RNF212: variants seen among roughly 807,000 people sequenced by gnomAD.
RNF212 encodes the protein probable E3 SUMO-protein ligase RNF212.
A neutral mutation model predicts 34.7 loss-of-function variants in RNF212; 33 were observed. The observed-to-expected ratio is 0.95, with a 90% CI of 0.72 to 1.27. The LOEUF is 1.27. RNF212 is among the 50% of genes most tolerant of loss of function. The pLI is 0.00. For missense variants in RNF212, 377 were observed against 362.2 expected (o/e 1.04, Z -0.33); for synonymous variants, 140 against 136.1 (o/e 1.03, Z -0.20).
chr4:1,093,765 G>A, intron 3 of RNF212: 2 of 1,536,296 alleles, frequency 1.3e-6, no homozygotes, highest in Non-Finnish European at 1.7e-6. Context: ...GACTTGGTGT[G>A]AATGAGGGTC....
At chr4:1,078,240 G>A (rs917515237) in intron 8 of RNF212, among the ~76,000 whole-genome samples, 2 of 152,146 alleles carry the variant, frequency 1.3e-5, no homozygotes, top group African/African-American at 2.4e-5. Flanking sequence ...ATTCACCGCC[G>A]CCAGAACACA....
intron 3 of RNF212, among the ~76,000 whole-genome samples, chr4:1,061,958 G>A (rs921066168): frequency 6.6e-6 from 1 of 152,200 alleles, no homozygotes; most frequent in Non-Finnish European, 1.5e-5. Flanking sequence ...AGAGGCCCAC[G>A]CTGTGCGGCC....
chr4:1,062,830 A>T (rs751891898), intron 3 of RNF212, among the ~76,000 whole-genome samples: 2 of 152,242 alleles, frequency 1.3e-5, no homozygotes, highest in South Asian at 2.1e-4. Context: ...TCCACAAAAA[A>T]AATCCCCAGA....
At chr4:1,064,825 C>T (rs573099589) in intron 3 of RNF212, among the ~76,000 whole-genome samples, 2 of 152,318 alleles carry the variant, frequency 1.3e-5, no homozygotes, top group African/African-American at 2.4e-5. Flanking sequence ...ATCCCACAGC[C>T]GCTGGCAGCC....
intron 5 of RNF212, among the ~76,000 whole-genome samples, chr4:1,085,554 G>A (rs577660733): frequency 6.6e-6 from 1 of 152,332 alleles, no homozygotes; most frequent in African/African-American, 2.4e-5. Context: ...GTGGAGTCCC[G>A]CAGTCCCTGG....
At chr4:1,110,317 A>G (rs1328682888) in intron 1 of RNF212, among the ~76,000 whole-genome samples, 1 of 152,226 alleles carries the variant, frequency 6.6e-6, no homozygotes, top group Non-Finnish European at 1.5e-5. Flanking sequence ...GGTCACTAGT[A>G]AGAGACACCA....
chr4:1,079,898 T>C (rs1720048434), intron 7 of RNF212, among the ~76,000 whole-genome samples: 2 of 152,246 alleles, frequency 1.3e-5, no homozygotes. Context: ...GGATGTAGCC[T>C]CTCCAGGACA....
rs78029756 is a variant in RNF212, at chr4:1,099,859, C to G, written c.172-3020G>C. The stretch of plus-strand genomic sequence containing the variant: ...CACGGGTACCCCTGTGCGGGATCCA[C>G]GGGGCTCTCCTCACGCAGCTGTAAA... On this transcript the variant is annotated intron_variant, in intron 2 of 9. Coordinates refer to ENST00000433731, the MANE Select transcript of RNF212 (RefSeq NM_001131034.4). 1.9e-3 allele frequency: 864 copies of G among 456,216 alleles called. 7 individuals carry two copies. Among genetic ancestry groups the G allele is most frequent in the African/African-American group, 0.016 (783 of 50,166 alleles). 28.3% of individuals were successfully genotyped at this position (456,216 alleles called of 1,614,324 possible). A position where few individuals can be genotyped will look rare whatever the true frequency, so the allele number is the denominator to read the frequency against.
At chr4:1,081,331 T>C in intron 7 of RNF212, 88 bp downstream of exon 7, 1 of 1,055,528 alleles carries the variant, frequency 9.5e-7, no homozygotes. Flanking sequence ...TCTGGGGGCT[T>C]GGAGAGGGGG....
intron 5 of RNF212, chr4:1,085,640 C>T (rs1454985153): frequency 1.8e-6 from 1 of 552,004 alleles, no homozygotes; most frequent in South Asian, 2.3e-5. Flanking sequence ...GCCCCTCCCA[C>T]TGCCTCAGCA....
intron 4 of RNF212, among the ~76,000 whole-genome samples, chr4:1,087,831 C>T (rs1451584787): frequency 6.6e-6 from 1 of 151,914 alleles, no homozygotes; most frequent in African/African-American, 2.4e-5. Context: ...TTCCCCTCCA[C>T]CCCCTCTCCT....
chr4:1,075,378 C>T (rs1183856537), intron 8 of RNF212, among the ~76,000 whole-genome samples: 3 of 152,224 alleles, frequency 2.0e-5, no homozygotes, highest in Non-Finnish European at 2.9e-5. Flanking sequence ...AGCATGGCAA[C>T]AGCTGCTTCT....
downstream of RNF212, among the ~76,000 whole-genome samples, chr4:1,069,637 A>ACAGG (rs1718315542): frequency 6.6e-6 from 1 of 152,224 alleles, no homozygotes; most frequent in Non-Finnish European, 1.5e-5. Flanking sequence ...CTGTGGCAGA[A>ACAGG]CAGGTCACCT....
intron 4 of RNF212, among the ~76,000 whole-genome samples, chr4:1,087,585 G>T (rs1478031958): frequency 1.3e-5 from 2 of 150,628 alleles, no homozygotes; most frequent in African/African-American, 2.5e-5. Context: ...GGAGCAGGGA[G>T]TGGGTAATAG....
At chr4:1,099,813 A>T (rs1023193338) in intron 2 of RNF212, 10 of 456,126 alleles carry the variant, frequency 2.2e-5, no homozygotes, top group African/African-American at 4.0e-5. Flanking sequence ...CGAGTCCACA[A>T]GGTCCGACGG....
At chr4:1,073,499 C>T in intron 9 of RNF212, 100 bp downstream of exon 9, 1 of 957,554 alleles carries the variant, frequency 1.0e-6, no homozygotes, top group East Asian at 2.5e-5. Flanking sequence ...ACAGCACCCC[C>T]TTGGGTAGGT....
chr4:1,063,134 C>T (rs1577611151), intron 3 of RNF212, among the ~76,000 whole-genome samples: 1 of 152,302 alleles, frequency 6.6e-6, no homozygotes, highest in East Asian at 1.9e-4. Flanking sequence ...ATACCCCCTA[C>T]ATTGATGTAC....
intron 7 of RNF212, among the ~76,000 whole-genome samples, chr4:1,081,176 C>T (rs1343787439): frequency 6.6e-6 from 1 of 152,274 alleles, no homozygotes; most frequent in Non-Finnish European, 1.5e-5. Flanking sequence ...CATGATCATT[C>T]CCAAACCAAT....
chr4:1,060,841 G>A (rs1577605297), intron 3 of RNF212, among the ~76,000 whole-genome samples: 1 of 152,322 alleles, frequency 6.6e-6, no homozygotes, highest in Admixed American at 6.5e-5. Context: ...GGCAGACAAC[G>A]CACAGATGGC....
Sources: allele counts gnomAD v4.1 joint callset (sites outside exome capture counted in the v4.1 genomes callset), GRCh38; gene constraint gnomAD v4.1.1; transcripts MANE v1.5; gene names NCBI Gene and HGNC (gene_info 2026-07-23, HGNC 2026-07-21).